Variants in COL25A1 observed in about 807,000 individuals in gnomAD.
COL25A1 encodes collagen type XXV alpha 1 chain.
Under a neutral mutation model 128.4 loss-of-function variants are expected in COL25A1, and 103 were observed. That is an observed-to-expected ratio of 0.80 (90% CI 0.68 to 0.94). COL25A1 has a LOEUF of 0.94. Among genes scored for constraint, COL25A1 ranks in the 40% least tolerant of loss-of-function variants. The pLI, the probability that COL25A1 is intolerant of heterozygous loss-of-function variation, is 0.00. For synonymous variants in COL25A1, 279 were observed against 277.2 expected (o/e 1.01, Z -0.06); for missense variants, 745 against 840.0 (o/e 0.89, Z 1.40).
chr4:108,959,442 C>T (rs1750425080), intron 8 of COL25A1, among the ~76,000 whole-genome samples: 1 of 152,008 alleles, frequency 6.6e-6, no homozygotes, highest in African/African-American at 2.4e-5. Context: ...AAGATTGCAC[C>T]AAATAGTGAA....
At chr4:108,817,789 T>G (rs1731390817) in intron 36 of COL25A1, among the ~76,000 whole-genome samples, 1 of 152,156 alleles carries the variant, frequency 6.6e-6, no homozygotes, top group South Asian at 2.1e-4. Flanking sequence ...GTATCTCTAT[T>G]ACGTAAACCA....
intron 3 of COL25A1, among the ~76,000 whole-genome samples, chr4:109,166,273 G>A (rs1773063480): frequency 6.6e-6 from 1 of 152,128 alleles, no homozygotes; most frequent in Admixed American, 6.6e-5. Flanking sequence ...TAGATCAATT[G>A]TCTCCATCTC....
At chr4:109,234,425 T>A (rs10005445) in intron 3 of COL25A1, among the ~76,000 whole-genome samples, 2 of 151,802 alleles carry the variant, frequency 1.3e-5, no homozygotes, top group Non-Finnish European at 2.9e-5. Context: ...TTGACAATTG[T>A]TAATATTAGT....
intron 8 of COL25A1, among the ~76,000 whole-genome samples, chr4:108,954,576 C>T (rs1391207814): frequency 6.6e-6 from 1 of 151,756 alleles, no homozygotes; most frequent in East Asian, 1.9e-4. Context: ...AGATTGTCTT[C>T]GTTACTGAAA....
chr4:108,816,173 G>A (rs558976518), intron 37 of COL25A1, among the ~76,000 whole-genome samples: 8 of 152,242 alleles, frequency 5.3e-5, no homozygotes, highest in Admixed American at 2.6e-4. Flanking sequence ...GGCTGAAAGC[G>A]GAGTATGGGA....
intron 3 of COL25A1, among the ~76,000 whole-genome samples, chr4:109,262,899 G>A (rs1781546310): frequency 6.6e-6 from 1 of 152,168 alleles, no homozygotes; most frequent in Non-Finnish European, 1.5e-5. Context: ...GGAGGCCGAG[G>A]TGGGTGGATC....
At position 108,863,427 on chromosome 4, in the gene COL25A1, C is replaced by G. The variant is rs376632978; in HGVS notation, c.1084-40G>C. On this transcript the variant is annotated intron_variant, in intron 20 of 37. Transcript: ENST00000399132. ...AAAACAGGTAAATGGTCATTCCCCCCACCCAGGCTGGTCCCTGTAGATTAA... is the reference window on the plus strand; with the variant it reads ...AAAACAGGTAAATGGTCATTCCCCCGACCCAGGCTGGTCCCTGTAGATTAA... 6.3e-5 allele frequency: 98 copies of G among 1,552,524 alleles called. 1 individual carries two copies. Among genetic ancestry groups the G allele is most frequent in the South Asian group, 4.8e-4 (41 of 85,404 alleles).
chr4:108,855,020 A>G (rs1373356788), intron 24 of COL25A1, among the ~76,000 whole-genome samples: 4 of 152,114 alleles, frequency 2.6e-5, no homozygotes, highest in Non-Finnish European at 4.4e-5. Context: ...TGAAAGTTCT[A>G]TGGGGTTGAT....
chr4:108,989,373 T>C (rs996909549), intron 6 of COL25A1, among the ~76,000 whole-genome samples: 1 of 152,208 alleles, frequency 6.6e-6, no homozygotes, highest in Non-Finnish European at 1.5e-5. Flanking sequence ...TTTATTTTTT[T>C]TCAAGTAGCC....
chr4:109,272,694 G>T (rs190766623), intron 3 of COL25A1, among the ~76,000 whole-genome samples: 49 of 152,304 alleles, frequency 3.2e-4, no homozygotes, highest in South Asian at 8.3e-4. Flanking sequence ...TTACTATAAA[G>T]AGCAATGGAT....
At chr4:109,057,394 A>G (rs937534558) in intron 3 of COL25A1, among the ~76,000 whole-genome samples, 30 of 131,332 alleles carry the variant, frequency 2.3e-4, no homozygotes, top group Non-Finnish European at 4.7e-5. Flanking sequence ...TAGCCTCACG[A>G]GTAGCTGGGA....
Position 109,251,249 on chromosome 4 carries a change from G to C in COL25A1, c.367+49334C>G, listed in dbSNP as rs562014211. 4.6e-5 allele frequency among the ~76,000 whole-genome samples: 7 copies of C among 152,316 alleles called. No homozygotes were observed. The South Asian group carries it at 1.4e-3, about 32-fold the overall frequency. Reference sequence around the variant, plus strand: ...TTTTGTAGCTGGTCATGTGGTCATAGATGGTATTGATAACTACCTTCTTCC... The same window carrying C: ...TTTTGTAGCTGGTCATGTGGTCATACATGGTATTGATAACTACCTTCTTCC... On this transcript the variant is annotated intron_variant, in intron 3 of 37. Transcript: ENST00000399132.
intron 5 of COL25A1, among the ~76,000 whole-genome samples, chr4:109,026,018 T>TA (rs1758232743): frequency 6.6e-6 from 1 of 150,470 alleles, no homozygotes; most frequent in Non-Finnish European, 1.5e-5. Context: ...AGAAAGAAAG[T>TA]AGCAGTCATT....
intron 37 of COL25A1, among the ~76,000 whole-genome samples, chr4:108,816,925 A>C (rs1731302912): frequency 6.6e-6 from 1 of 152,184 alleles, no homozygotes; most frequent in African/African-American, 2.4e-5. Flanking sequence ...ACACCACTTA[A>C]ATTTAATTCA....
chr4:109,086,534 A>G (rs1764393699), intron 3 of COL25A1, among the ~76,000 whole-genome samples: 2 of 152,226 alleles, frequency 1.3e-5, no homozygotes, highest in Non-Finnish European at 2.9e-5. Flanking sequence ...TTTGAACCAT[A>G]TGACATTTAA....
intron 3 of COL25A1, among the ~76,000 whole-genome samples, chr4:109,105,514 A>C (rs576035559): frequency 1.2e-4 from 19 of 152,154 alleles, no homozygotes; most frequent in South Asian, 8.3e-4. Context: ...AAATTCTAAA[A>C]TCTAAATTCT....
At chr4:109,023,298 T>C (rs928507901) in intron 5 of COL25A1, among the ~76,000 whole-genome samples, 1 of 152,212 alleles carries the variant, frequency 6.6e-6, no homozygotes, top group African/African-American at 2.4e-5. Context: ...AGTGACTAAA[T>C]CTGGCTGCAT....
chr4:109,280,328 G>A (rs1008350314), intron 3 of COL25A1, among the ~76,000 whole-genome samples: 2 of 152,160 alleles, frequency 1.3e-5, no homozygotes, highest in African/African-American at 4.8e-5. Context: ...AGATGAGACA[G>A]CGTCATCTAT....
rs763609319 is a variant in COL25A1, at chr4:108,863,306, A to C, written c.1152+13T>G. The C allele has an allele frequency of 1.9e-6, 3 of 1,611,370 alleles. No homozygotes were observed. The Admixed American group carries it at 5.0e-5, about 27-fold the overall frequency. On this transcript the variant is annotated intron_variant, in intron 21 of 37. Coordinates refer to ENST00000399132, the MANE Select transcript of COL25A1 (RefSeq NM_198721.4). ...CCAGAGAATGGTTATTTTCCAGTTTAAGAATAACTCACCTTTGGTCCGGGG... is the reference window on the plus strand; with the variant it reads ...CCAGAGAATGGTTATTTTCCAGTTTCAGAATAACTCACCTTTGGTCCGGGG...
Sources: gnomAD v4.1 joint callset for allele counts (sites outside exome capture counted in the v4.1 genomes callset) on GRCh38, gnomAD v4.1.1 for gene constraint, MANE v1.5 for transcripts, NCBI Gene and HGNC (gene_info 2026-07-23, HGNC 2026-07-21) for gene names.